Variants in TRAPPC6A observed in about 807,000 individuals in gnomAD.
The protein encoded by TRAPPC6A is trafficking protein particle complex subunit 6A.
A neutral mutation model predicts 20.8 loss-of-function variants in TRAPPC6A; 25 were observed. The observed-to-expected ratio is 1.20, with a 90% CI of 0.88 to 1.68. The LOEUF (loss-of-function observed/expected upper bound fraction) is 1.68, where lower values mean the gene tolerates loss of function less well. TRAPPC6A is among the 40% of genes most tolerant of loss of function. TRAPPC6A has a pLI of 0.00. For synonymous variants in TRAPPC6A, 96 were observed against 93.3 expected (o/e 1.03, Z -0.16); for missense variants, 215 against 211.6 (o/e 1.02, Z -0.10).
Position 45,172,463 on chromosome 19 carries a change from G to A in TRAPPC6A, c.84+5672C>T, listed in dbSNP as rs567673569. Among the ~76,000 whole-genome samples, 13 of 151,766 alleles carry A rather than the reference G, an allele frequency of 8.6e-5. 1 individual carries two copies. Among genetic ancestry groups the A allele is most frequent in the African/African-American group, 2.4e-4 (10 of 41,048 alleles). On this transcript the variant is annotated intron_variant, in intron 1 of 5. Transcript: ENST00000585934. This position sits in a 1 kb window ranked among gnomAD's most constrained non-coding sequence, Gnocchi z 4.2. ...TGGGCAGAGGCTGACCCTGTTCAAC[G>A]CCCACCTGCTGAGCCACTCTGTGCC...
In TRAPPC6A at chr19:45,163,690, C is replaced by T. The variant is rs1969066401; in HGVS notation, c.448+226G>A. 6.6e-6 allele frequency among the ~76,000 whole-genome samples: 1 copy of T among 152,286 alleles called. No homozygotes were observed. Among genetic ancestry groups the T allele is most frequent in the South Asian group, 2.1e-4 (1 of 4,824 alleles). ...ATAACTTCTATTGCGTCCACCTCGG[C>T]TCCCATGCTGGGAAACGATGTTCAA... is the stretch of plus-strand genomic sequence containing the variant. On this transcript the variant is annotated intron_variant, in intron 5 of 5. Transcript: ENST00000585934. The surrounding 1 kb of genome is among the most constrained non-coding windows in gnomAD (Gnocchi z 5.3).
At chr19:45,177,466 G>A (rs1255365516) in intron 1 of TRAPPC6A, among the ~76,000 whole-genome samples, 1 of 151,906 alleles carries the variant, frequency 6.6e-6, no homozygotes, top group Admixed American at 6.6e-5. Flanking sequence ...TCAGCCTCCC[G>A]AGTAGCTGGG....
chr19:45,175,795 T>G (rs1969359598), intron 1 of TRAPPC6A, among the ~76,000 whole-genome samples: 2 of 152,082 alleles, frequency 1.3e-5, no homozygotes, highest in Admixed American at 6.5e-5. Context: ...CCAGGGTTTC[T>G]CGTTTGAAAG....
chr19:45,178,038 G>T, intron 1 of TRAPPC6A, 97 bp downstream of exon 1: 10 of 1,584,848 alleles, frequency 6.3e-6, no homozygotes, highest in Non-Finnish European at 8.6e-6. Context: ...GCCGGGGCTG[G>T]GCCGGGTTCG....
intron 1 of TRAPPC6A, among the ~76,000 whole-genome samples, chr19:45,175,764 G>T (rs1165305902): frequency 6.6e-6 from 1 of 151,852 alleles, no homozygotes; most frequent in Non-Finnish European, 1.5e-5. Context: ...AGGTGAGGGA[G>T]ACAAGGCAGG....
In TRAPPC6A at chr19:45,163,169, G is replaced by A. The variant is rs3188512; in HGVS notation, c.*23C>T. ...CCGGTGAGGCCAGGGGCAGCAGTGC[G>A]GCTCAGCAGGTGCGAGGCAGGCTTA... On this transcript the variant is annotated 3_prime_UTR_variant, in exon 6 of 6. Coordinates refer to ENST00000585934, the MANE Select transcript of TRAPPC6A (RefSeq NM_001270891.2). This position sits in a 1 kb window ranked among gnomAD's most constrained non-coding sequence, Gnocchi z 5.3. The A allele has an allele frequency of 1.8e-3, 2,836 of 1,613,820 alleles. 26 individuals are homozygous for A. The African/African-American group carries it at 0.03, about 17-fold the overall frequency.
rs1209445190 is a variant in TRAPPC6A, at chr19:45,163,424, G to A, written c.449-201C>T. ...GGGCCACGGATGTGGCCCCAGGGAA[G>A]CGCCCGGCACGGGCTTCTGTGGTAT... On this transcript the variant is annotated intron_variant, in intron 5 of 5. Coordinates refer to ENST00000585934, the MANE Select transcript of TRAPPC6A (RefSeq NM_001270891.2). The surrounding 1 kb of genome is among the most constrained non-coding windows in gnomAD (Gnocchi z 5.3). Among the ~76,000 whole-genome samples the A allele has an allele frequency of 6.6e-6, 1 of 152,180 alleles. No individual in the cohort carries two copies. Among genetic ancestry groups the A allele is most frequent in the Non-Finnish European group, 1.5e-5 (1 of 68,014 alleles).
Position 45,163,315 on chromosome 19 carries a change from C to A in TRAPPC6A, c.449-92G>T. 1 of 1,406,116 alleles carries A rather than the reference C, an allele frequency of 7.1e-7. No individual in the cohort carries two copies. Among genetic ancestry groups the A allele is most frequent in the Non-Finnish European group, 1.0e-6 (1 of 1,004,668 alleles). The allele number at this position is 1,406,116 out of a possible 1,614,324, so 87.1% of individuals were successfully genotyped here. A position where few individuals can be genotyped will look rare whatever the true frequency, so the allele number is the denominator to read the frequency against. On this transcript the variant is annotated intron_variant, in intron 5 of 5. Coordinates refer to ENST00000585934, the MANE Select transcript of TRAPPC6A (RefSeq NM_001270891.2). This position sits in a 1 kb window ranked among gnomAD's most constrained non-coding sequence, Gnocchi z 5.3. ...CTTAGGCGCTCACCCCCGTCCTGCACTGACACCCCAGTGGCTAGGTTGGGC... is the reference window on the plus strand; with the variant it reads ...CTTAGGCGCTCACCCCCGTCCTGCAATGACACCCCAGTGGCTAGGTTGGGC...
chr19:45,166,479 G>A (rs1183536387), intron 1 of TRAPPC6A, among the ~76,000 whole-genome samples: 1 of 151,636 alleles, frequency 6.6e-6, no homozygotes, highest in African/African-American at 2.4e-5. Flanking sequence ...AAAGTGCTGG[G>A]ATTACAGGCA....
chr19:45,178,030 C>T (rs1417552029), intron 1 of TRAPPC6A, 105 bp downstream of exon 1: 3 of 1,571,154 alleles, frequency 1.9e-6, no homozygotes, highest in African/African-American at 1.4e-5. Context: ...CCTGCAAGGC[C>T]GGGGCTGGGC....
At chr19:45,177,450 C>G (rs1224097621) in intron 1 of TRAPPC6A, among the ~76,000 whole-genome samples, 4 of 152,122 alleles carry the variant, frequency 2.6e-5, no homozygotes, top group Admixed American at 1.3e-4. Context: ...AAGCCATTCT[C>G]CTGTCTCAGC....
intron 1 of TRAPPC6A, among the ~76,000 whole-genome samples, chr19:45,168,497 C>A (rs1053197470): frequency 1.3e-5 from 2 of 152,138 alleles, no homozygotes; most frequent in Non-Finnish European, 2.9e-5. Context: ...CACGGAGACC[C>A]GGGAGCTCAC....
rs1328303399 is a variant in TRAPPC6A, at chr19:45,163,500, C to G, written c.449-277G>C. 1.3e-5 allele frequency among the ~76,000 whole-genome samples: 2 copies of G among 152,036 alleles called. No individual in the cohort carries two copies. The highest frequency in any genetic ancestry group is 2.9e-5 in the Non-Finnish European group (2 of 67,954). On this transcript the variant is annotated intron_variant, in intron 5 of 5. Transcript: ENST00000585934. This position sits in a 1 kb window ranked among gnomAD's most constrained non-coding sequence, Gnocchi z 5.3. ...GGCCCCGGGGGCCCCCATGAGTGGGCCTGGGGAACCGGCAGAGGCAAAATA... is the reference window on the plus strand; with the variant it reads ...GGCCCCGGGGGCCCCCATGAGTGGGGCTGGGGAACCGGCAGAGGCAAAATA...
At chr19:45,165,532 G>A (rs1195727758) in intron 1 of TRAPPC6A, among the ~76,000 whole-genome samples, 1 of 152,238 alleles carries the variant, frequency 6.6e-6, no homozygotes. Context: ...ATGACAGGCT[G>A]CACGTGCTTT....
In TRAPPC6A at chr19:45,178,192, A is replaced by G; in HGVS notation, c.27T>C (p.Phe9=). 1 of 1,611,038 alleles carries G rather than the reference A, an allele frequency of 6.2e-7. No homozygotes were observed. The highest frequency in any genetic ancestry group is 1.1e-5 in the South Asian group (1 of 90,936). ...GCTCAGCCACCATCTCCGTGTGAAGAAACTCAAACAACACAGTATCCGCCA... is the reference window on the plus strand; with the variant it reads ...GCTCAGCCACCATCTCCGTGTGAAGGAACTCAAACAACACAGTATCCGCCA... MADTVLFE[F]LHTEMVAELW... is the part of the protein sequence containing the mutation. The change falls in exon 1 of 6, where the codon TTT becomes TTC. Residue 9 remains phenylalanine, a synonymous_variant. Transcript: ENST00000585934.
intron 1 of TRAPPC6A, among the ~76,000 whole-genome samples, chr19:45,165,766 A>G (rs1295900536): frequency 2.0e-5 from 3 of 152,158 alleles, no homozygotes; most frequent in African/African-American, 7.2e-5. Flanking sequence ...AGTGGCTGCC[A>G]TGTAGTGTCT....
At chr19:45,166,034 C>G (rs1033496298) in intron 1 of TRAPPC6A, among the ~76,000 whole-genome samples, 1 of 151,802 alleles carries the variant, frequency 6.6e-6, no homozygotes, top group Non-Finnish European at 1.5e-5. Context: ...GCCTCAGCCT[C>G]CAGAGTAGCT....
At position 45,178,120 on chromosome 19, in the gene TRAPPC6A, G is replaced by A; in HGVS notation, c.84+15C>T. On this transcript the variant is annotated intron_variant, in intron 1 of 5. Transcript: ENST00000585934. ...TGGTGGCCCCCGCTTCCTCCCCACG[G>A]AGCCCGGCGCTCACCCCCGGGCCGG... The A allele has an allele frequency of 6.2e-7, 1 of 1,613,138 alleles. No individual in the cohort carries two copies. Among genetic ancestry groups the A allele is most frequent in the Admixed American group, 1.7e-5 (1 of 59,942 alleles).
intron 1 of TRAPPC6A, among the ~76,000 whole-genome samples, chr19:45,176,046 G>A (rs778705403): frequency 6.6e-6 from 1 of 152,056 alleles, no homozygotes; most frequent in Non-Finnish European, 1.5e-5. Flanking sequence ...AGGCTGGAGT[G>A]CAGTGGCATG....
Sources: gnomAD v4.1 joint callset for allele counts (sites outside exome capture counted in the v4.1 genomes callset) on GRCh38, gnomAD v4.1.1 for gene constraint, Gnocchi (gnomAD v3.1) non-coding constraint, MANE v1.5 for transcripts, NCBI Gene and HGNC (gene_info 2026-07-23, HGNC 2026-07-21) for gene names.